Variants in SLC16A12 observed in about 807,000 individuals in gnomAD.
SLC16A12 encodes solute carrier family 16 member 12, also known as monocarboxylate transporter 12.
In SLC16A12, 17 loss-of-function variants were observed where a neutral mutation model predicts 42.4. That is an observed-to-expected ratio of 0.40 (90% confidence interval 0.27 to 0.60). The LOEUF (loss-of-function observed/expected upper bound fraction) is 0.60, where lower values mean the gene tolerates loss of function less well. Among genes scored for constraint, SLC16A12 ranks in the 20% least tolerant of loss-of-function variants. SLC16A12 has a pLI of 0.42. For synonymous variants in SLC16A12, 224 were observed against 229.4 expected (o/e 0.98, Z 0.21); for missense variants, 544 against 623.0 (o/e 0.87, Z 1.35).
At chr10:89,454,777 A>G (rs575742337) in intron 3 of SLC16A12, among the ~76,000 whole-genome samples, 1 of 152,122 alleles carries the variant, frequency 6.6e-6, no homozygotes, top group Admixed American at 6.6e-5. Flanking sequence ...TGTTTCAACT[A>G]CATGCTGGAC....
intron 2 of SLC16A12, among the ~76,000 whole-genome samples, chr10:89,532,580 C>T (rs1310073767): frequency 6.6e-6 from 1 of 152,016 alleles, no homozygotes; most frequent in African/African-American, 2.4e-5. Context: ...AAATAGCTTC[C>T]AAATTGGCAA....
intron 2 of SLC16A12, among the ~76,000 whole-genome samples, chr10:89,472,417 T>G (rs1336948309): frequency 1.3e-5 from 2 of 152,032 alleles, no homozygotes; most frequent in Non-Finnish European, 2.9e-5. Flanking sequence ...TAGTTGATAG[T>G]TTCAGTGAAA....
chr10:89,452,193 A>G (rs1438603385), intron 3 of SLC16A12, among the ~76,000 whole-genome samples: 1 of 152,240 alleles, frequency 6.6e-6, no homozygotes, highest in East Asian at 1.9e-4. Flanking sequence ...TGACTCATCA[A>G]TAAGCTGAAG....
intron 2 of SLC16A12, among the ~76,000 whole-genome samples, chr10:89,493,661 G>A (rs1842880707): frequency 6.6e-6 from 1 of 152,172 alleles, no homozygotes. Flanking sequence ...TAAGAGAGCT[G>A]TCAAACTCCC....
chr10:89,549,949 G>T (rs1020121894), intron 2 of SLC16A12, among the ~76,000 whole-genome samples: 1 of 152,082 alleles, frequency 6.6e-6, no homozygotes, highest in African/African-American at 2.4e-5. Context: ...TTTAAGCAGA[G>T]AACTCTACTT....
At chr10:89,478,594 C>T (rs369400831) in intron 2 of SLC16A12, among the ~76,000 whole-genome samples, 2 of 152,194 alleles carry the variant, frequency 1.3e-5, no homozygotes, top group South Asian at 4.1e-4. Context: ...AAAGATGAAA[C>T]TCATCTGTGA....
At chr10:89,498,279 C>T (rs1348725889) in intron 2 of SLC16A12, among the ~76,000 whole-genome samples, 2 of 152,100 alleles carry the variant, frequency 1.3e-5, no homozygotes, top group East Asian at 3.9e-4. Flanking sequence ...CTGTGGTGAG[C>T]CCCGATCATG....
intron 2 of SLC16A12, among the ~76,000 whole-genome samples, chr10:89,482,251 A>AG (rs995986386): frequency 7.4e-6 from 1 of 135,778 alleles, no homozygotes; most frequent in African/African-American, 3.4e-5. Context: ...AAAAAAAAAA[A>AG]AGAAGAAGAA....
chr10:89,504,178 G>A lies in SLC16A12; in HGVS notation c.-47+30323C>T, dbSNP rs147505938. Among the ~76,000 whole-genome samples, 569 of 152,106 alleles carry A rather than the reference G, an allele frequency of 3.7e-3. 2 individuals are homozygous for A. The highest frequency in any genetic ancestry group is 0.012 in the African/African-American group (494 of 41,498). On this transcript the variant is annotated intron_variant, in intron 2 of 7. Coordinates refer to ENST00000371790, the MANE Select transcript of SLC16A12 (RefSeq NM_213606.4). ...AAACAGCTCTGAAAGTCTCTTTTCCGTTGCTTCAAATTCTTGGTCCTGAAA... is the reference window on the plus strand; with the variant it reads ...AAACAGCTCTGAAAGTCTCTTTTCCATTGCTTCAAATTCTTGGTCCTGAAA...
At chr10:89,514,113 G>T (rs754809220) in intron 2 of SLC16A12, among the ~76,000 whole-genome samples, 8 of 152,154 alleles carry the variant, frequency 5.3e-5, no homozygotes, top group Non-Finnish European at 1.2e-4. Flanking sequence ...GGCAGATTTG[G>T]GTGGAATCTG....
rs1001358680 is a variant in SLC16A12 at position 89,532,029 on chromosome 10, C to T, written c.-47+2472G>A. Among the ~76,000 whole-genome samples, 18 of 152,200 alleles carry T rather than the reference C, an allele frequency of 1.2e-4. No individual in the cohort carries two copies. In the South Asian group the frequency reaches 1.7e-3, roughly 14 times the overall value. Reference sequence around the variant, plus strand: ...GCTGCATCAGAGGCATGTTCTGTGTCTTTACACGTCCTGCTGTCACCAGCA... The same window carrying T: ...GCTGCATCAGAGGCATGTTCTGTGTTTTTACACGTCCTGCTGTCACCAGCA... On this transcript the variant is annotated intron_variant, in intron 2 of 7. Transcript: ENST00000371790.
chr10:89,438,980 A>T lies in SLC16A12; in HGVS notation c.652T>A (p.Cys218Ser), dbSNP rs376131813. ...LILGGFVLNLCVCGALMRPIT... is the reference protein window; with the variant it reads ...LILGGFVLNLSVCGALMRPIT... ...GGCCTCATCAAGGCACCACATACAC[A>T]GAGATTCAAGACAAAGCCCCCAAGA... Residue 218 changes from cysteine to serine, a missense_variant, in exon 6 of 8, where the codon TGT (cysteine) becomes AGT (serine). Physicochemically the swap from Cys to Ser is moderately radical, Grantham distance 112. Transcript: ENST00000371790. The T allele has an allele frequency of 4.3e-6, 7 of 1,614,214 alleles. No homozygotes were observed. Among genetic ancestry groups the T allele is most frequent in the Non-Finnish European group, 5.9e-6 (7 of 1,180,038 alleles).
chr10:89,541,874 T>C (rs1387393297), intron 2 of SLC16A12, among the ~76,000 whole-genome samples: 1 of 152,204 alleles, frequency 6.6e-6, no homozygotes, highest in Non-Finnish European at 1.5e-5. Flanking sequence ...TTCTGAAATA[T>C]GTGTTTGATA....
At chr10:89,435,672 G>A (rs550921784) in intron 7 of SLC16A12, among the ~76,000 whole-genome samples, 5 of 152,258 alleles carry the variant, frequency 3.3e-5, no homozygotes, top group African/African-American at 4.8e-5. Context: ...TGACACTGGC[G>A]TTTATAATTT....
At chr10:89,440,932 TAG>T (rs1356936618) in intron 5 of SLC16A12, among the ~76,000 whole-genome samples, 174 bp downstream of exon 5, 1 of 152,218 alleles carries the variant, frequency 6.6e-6, no homozygotes, top group Admixed American at 6.5e-5. Context: ...GCATTTTCAT[TAG>T]GGTAATGTAA....
intron 2 of SLC16A12, among the ~76,000 whole-genome samples, chr10:89,465,547 T>C (rs1157134836): frequency 1.3e-5 from 2 of 152,208 alleles, no homozygotes; most frequent in African/African-American, 4.8e-5. Flanking sequence ...AAATATAACT[T>C]TGTGTCATGA....
intron 2 of SLC16A12, among the ~76,000 whole-genome samples, chr10:89,489,641 C>T (rs944815397): frequency 6.6e-6 from 1 of 152,108 alleles, no homozygotes; most frequent in Non-Finnish European, 1.5e-5. Context: ...CGTGCCAGTC[C>T]TTAAAGTAAT....
rs1338076635 is a variant in SLC16A12, at chr10:89,430,709, T to C, written c.*2355A>G. 2.1e-6 allele frequency: 1 copy of C among 465,174 alleles called. No homozygotes were observed. The highest frequency in any genetic ancestry group is 4.4e-6 in the Non-Finnish European group (1 of 225,670). The allele number at this position is 465,174 out of a possible 1,614,324, so 28.8% of individuals were successfully genotyped here. On this transcript the variant is annotated 3_prime_UTR_variant, in exon 8 of 8. Transcript: ENST00000371790. ...AAAGGGAAAGTAAAATGCAAATCTA[T>C]GCATGTATAAAGTCAAATCTCCCAA...
rs759863805 is a variant in SLC16A12, at chr10:89,433,306, C to T, written c.1309G>A (p.Gly437Ser). 3.1e-6 allele frequency: 5 copies of T among 1,613,964 alleles called. No individual in the cohort carries two copies. The highest frequency in any genetic ancestry group is 2.2e-5 in the East Asian group (1 of 44,882). ...PIAGRLVDTTGSYTAAFLLCG... is the reference protein window; with the variant it reads ...PIAGRLVDTTSSYTAAFLLCG... ...AGGAGGAATGCTGCAGTGTAGCTGC[C>T]GGTGGTATCTACCAGCCGTCCTGTA... is the stretch of plus-strand genomic sequence containing the variant. Residue 437 changes from glycine (G) to serine (S), a missense_variant, in exon 8 of 8, where the codon GGC becomes AGC. Gly to Ser is a moderately conservative substitution (Grantham distance 56). Coordinates refer to ENST00000371790, the MANE Select transcript of SLC16A12 (RefSeq NM_213606.4).
Sources: gnomAD v4.1 joint callset for allele counts (sites outside exome capture counted in the v4.1 genomes callset) on GRCh38, gnomAD v4.1.1 for gene constraint, MANE v1.5 for transcripts, NCBI Gene and HGNC (gene_info 2026-07-23, HGNC 2026-07-21) for gene names.